ARHGEF1: variants seen among roughly 807,000 people sequenced by gnomAD.
ARHGEF1 encodes the protein Rho guanine nucleotide exchange factor 1.
A neutral mutation model predicts 119.7 loss-of-function variants in ARHGEF1; 40 were observed. That is an observed-to-expected ratio of 0.33 (90% CI 0.26 to 0.44). ARHGEF1 has a LOEUF of 0.44. Among genes scored for constraint, ARHGEF1 ranks in the 20% least tolerant of loss-of-function variants. The pLI is 1.00. For synonymous variants in ARHGEF1, 494 were observed against 521.0 expected, an observed-to-expected ratio of 0.95 and a Z score of 0.71; for missense variants, 976 against 1,268.3, an observed-to-expected ratio of 0.77 and a Z score of 3.50.
At chr19:41,910,076 G>A (rs1196318948), downstream of ARHGEF1, 18 of 1,612,934 alleles carry the variant, frequency 1.1e-5, no homozygotes, top group Non-Finnish European at 1.5e-5. The surrounding 1 kb of genome is among the most constrained non-coding windows in gnomAD (Gnocchi z 4.4). Flanking sequence ...TGGCTTGTAG[G>A]CCCAATCCGG....
intron 13 of ARHGEF1, chr19:41,897,228 C>A (rs1438206117): frequency 1.3e-5 from 16 of 1,255,634 alleles, no homozygotes; most frequent in Non-Finnish European, 1.7e-5. Flanking sequence ...CCTTGTGCCG[C>A]TGCTTTGGGG....
In ARHGEF1 at chr19:41,905,778, C is replaced by T. The variant is rs1555850041; in HGVS notation, c.2355C>T (p.Leu785=). ...PSPSSTREPL[L]SSSENGNGGR... ...CCCTCAGCACCCGAGAACCCCTCCT[C>T]AGCAGCTCTGAGAACGGCAATGGTG... The change falls in exon 25 of 29, where the codon CTC becomes CTT. Residue 785 remains leucine (L), a synonymous_variant. Transcript: ENST00000354532. The surrounding 1 kb of genome is among the most constrained non-coding windows in gnomAD (Gnocchi z 6.4). 1 of 1,614,152 alleles carries T rather than the reference C, an allele frequency of 6.2e-7. No homozygotes were observed. Among genetic ancestry groups the T allele is most frequent in the Non-Finnish European group, 8.5e-7 (1 of 1,180,006 alleles).
chr19:41,884,003 G>C (rs775111500), intron 1 of ARHGEF1, among the ~76,000 whole-genome samples: 1 of 152,218 alleles, frequency 6.6e-6, no homozygotes. Flanking sequence ...AAGGGGCTGG[G>C]GGTGGGAGAC....
chr19:41,905,270 G>A lies in ARHGEF1; in HGVS notation c.2336+9G>A. Reference sequence around the variant, plus strand: ...CGGCCCAGCCCGAGCAGGTGAGGGGGGCCATGGAGAGAGCTGGAGGTTCAG... The same window carrying A: ...CGGCCCAGCCCGAGCAGGTGAGGGGAGCCATGGAGAGAGCTGGAGGTTCAG... On this transcript the variant is annotated intron_variant, in intron 24 of 28. Coordinates refer to ENST00000354532, the MANE Select transcript of ARHGEF1 (RefSeq NM_004706.4). The surrounding 1 kb of genome is among the most constrained non-coding windows in gnomAD (Gnocchi z 6.4). 6 of 1,609,150 alleles carry A rather than the reference G, an allele frequency of 3.7e-6. No homozygotes were observed. The highest frequency in any genetic ancestry group is 5.1e-6 in the Non-Finnish European group (6 of 1,177,858).
Position 41,895,377 on chromosome 19 carries a change from G to T in ARHGEF1, c.906G>T (p.Lys302Asn). 6.2e-7 allele frequency: 1 copy of T among 1,612,386 alleles called. No individual in the cohort carries two copies. Among genetic ancestry groups the T allele is most frequent in the Non-Finnish European group, 8.5e-7 (1 of 1,179,396 alleles). The change falls in exon 12 of 29, where the codon AAG (lysine) becomes AAT (asparagine). Residue 302 changes from lysine to asparagine, a missense_variant. Around this residue, in one of 3 missense-constraint regions of ARHGEF1, gnomAD observed 519 missense variants for 580.9 expected, o/e 0.89. Coordinates refer to ENST00000354532, the MANE Select transcript of ARHGEF1 (RefSeq NM_004706.4). ...DAEKPGATDR[K>N]GGVGMPSRDR... ...AGAAGCCAGGTGCTACAGACCGGAA[G>T]GGAGGCGTGGGGATGCCCTCTCGGG... is the stretch of plus-strand genomic sequence containing the variant.
In ARHGEF1 at chr19:41,889,974, C is replaced by T. The variant is rs1234347747; in HGVS notation, c.225+1109C>T. The stretch of plus-strand genomic sequence containing the variant: ...CATGTTCTTTTACAGATGTGGAAAC[C>T]GAGGCCTAGAGAGGGTCAGGGACTT... On this transcript the variant is annotated intron_variant, in intron 4 of 28. Transcript: ENST00000354532. The surrounding 1 kb of genome is among the most constrained non-coding windows in gnomAD (Gnocchi z 4.0). 1 of 152,040 alleles carries T rather than the reference C, an allele frequency of 6.6e-6. No homozygotes were observed. Among genetic ancestry groups the T allele is most frequent in the African/African-American group, 2.4e-5 (1 of 41,360 alleles). 9.4% of individuals were successfully genotyped at this position (152,040 alleles called of 1,614,324 possible).
At chr19:41,928,810 T>G in intron 1 of ARHGEF1, 1 of 428,026 alleles carries the variant, frequency 2.3e-6, no homozygotes. Context: ...TCCCTTCTCC[T>G]CCGCCCCGCT....
chr19:41,915,561 G>A (rs1328119709), intron 18 of ARHGEF1, among the ~76,000 whole-genome samples: 12 of 151,622 alleles, frequency 7.9e-5, no homozygotes, highest in Admixed American at 3.3e-4. Context: ...CCCTGTCTCC[G>A]TCTCCACATC....
chr19:41,907,519 G>C, downstream of ARHGEF1: 4 of 1,006,678 alleles, frequency 4.0e-6, no homozygotes, highest in Non-Finnish European at 5.6e-6. Context: ...ACTGTCTGGC[G>C]TTGACATCCT....
intron 8 of ARHGEF1, among the ~76,000 whole-genome samples, 191 bp from the exon 9 acceptor site, chr19:41,894,016 G>A (rs1383747441): frequency 2.0e-5 from 3 of 151,986 alleles, no homozygotes; most frequent in Non-Finnish European, 4.4e-5. Flanking sequence ...AACAGCCCTT[G>A]CCCCTGTCCT....
chr19:41,884,606 C>G, intron 1 of ARHGEF1: 2 of 1,379,660 alleles, frequency 1.4e-6, no homozygotes, highest in South Asian at 1.3e-5. Context: ...CCGCGTAAGA[C>G]CCGCCACGTC....
rs781946964 is a variant in ARHGEF1, at chr19:41,917,414, C to G, written c.1866-5678C>G. ...TTTGATTTCTCTAAGCTGCGCCGGC[C>G]GCCTCGGGAGCCGCCTCGGGCCTCG... is the stretch of plus-strand genomic sequence containing the variant. On this transcript the variant is annotated intron_variant, in intron 18 of 20. Transcript: ENST00000599589. This position sits in a 1 kb window ranked among gnomAD's most constrained non-coding sequence, Gnocchi z 4.8. Among the ~76,000 whole-genome samples the G allele has an allele frequency of 6.6e-6, 1 of 152,046 alleles. No individual in the cohort carries two copies. The highest frequency in any genetic ancestry group is 1.5e-5 in the Non-Finnish European group (1 of 67,994).
downstream of ARHGEF1, among the ~76,000 whole-genome samples, chr19:41,911,252 G>T (rs1026743734): frequency 2.6e-5 from 4 of 152,140 alleles, no homozygotes; most frequent in African/African-American, 9.7e-5. Flanking sequence ...CATGCAGAAG[G>T]CCCCAAGCCC....
chr19:41,901,581 A>G (rs941933553), intron 14 of ARHGEF1, among the ~76,000 whole-genome samples: 2 of 152,154 alleles, frequency 1.3e-5, no homozygotes, highest in African/African-American at 2.4e-5. Context: ...AGCTGGGACT[A>G]CAGGCACACA....
At chr19:41,924,700 G>C (rs2074861611) in intron 1 of ARHGEF1, among the ~76,000 whole-genome samples, 1 of 152,138 alleles carries the variant, frequency 6.6e-6, no homozygotes, top group Non-Finnish European at 1.5e-5. Flanking sequence ...GCAGTGCGGG[G>C]AGCAGGTGTG....
At position 41,884,282 on chromosome 19, in the gene ARHGEF1, G is replaced by C. The variant is rs1233453187; in HGVS notation, c.-20+993G>C. ...TCTGGCCTGCGTGGCGCAGTACAGCGCTAGAGCGGCCGGCGGGAGGAGTAG... is the reference window on the plus strand; with the variant it reads ...TCTGGCCTGCGTGGCGCAGTACAGCCCTAGAGCGGCCGGCGGGAGGAGTAG... On this transcript the variant is annotated intron_variant, in intron 1 of 28. Transcript: ENST00000354532. 1.6e-5 allele frequency: 13 copies of C among 812,406 alleles called. No homozygotes were observed. The Admixed American group carries it at 2.8e-4, about 18-fold the overall frequency. The allele number at this position is 812,406 out of a possible 1,614,324, so 50.3% of individuals were successfully genotyped here.
At chr19:41,898,316 G>C in intron 13 of ARHGEF1, 126 bp from the exon 14 acceptor site, 1 of 1,435,796 alleles carries the variant, frequency 7.0e-7, no homozygotes, top group Non-Finnish European at 9.4e-7. Context: ...GACCTGGTCT[G>C]CTGCACGGGC....
chr19:41,891,945 G>C, intron 4 of ARHGEF1, 80 bp from the exon 5 acceptor site: 1 of 1,253,590 alleles, frequency 8.0e-7, no homozygotes, highest in Non-Finnish European at 1.1e-6. Context: ...GCCAGGAGGT[G>C]AGGAAGGCCC....
In ARHGEF1 at chr19:41,903,023, T is replaced by A; in HGVS notation, c.1738+125T>A. The A allele has an allele frequency of 1.2e-6, 1 of 803,200 alleles. No homozygotes were observed. Among genetic ancestry groups the A allele is most frequent in the Non-Finnish European group, 1.9e-6 (1 of 522,182 alleles). The allele number at this position is 803,200 out of a possible 1,614,324, so 49.8% of individuals were successfully genotyped here. On this transcript the variant is annotated intron_variant, in intron 18 of 28. Coordinates refer to ENST00000354532, the MANE Select transcript of ARHGEF1 (RefSeq NM_004706.4). This position sits in a 1 kb window ranked among gnomAD's most constrained non-coding sequence, Gnocchi z 4.2. ...AGCCTCAACCTCCCAGGATCTACCA[T>A]CCTCCCACCTCAGCTCCCCAAGTAG... is the stretch of plus-strand genomic sequence containing the variant.
Sources: allele counts gnomAD v4.1 joint callset (sites outside exome capture counted in the v4.1 genomes callset), GRCh38; gene constraint gnomAD v4.1.1; regional missense constraint gnomAD v4.1.1; non-coding constraint Gnocchi (gnomAD v3.1); transcripts MANE v1.5; gene names NCBI Gene and HGNC (gene_info 2026-07-23, HGNC 2026-07-21).